Variants in IPO8 observed in about 807,000 individuals in gnomAD.
IPO8 encodes the protein importin-8.
A neutral mutation model predicts 141.2 loss-of-function variants in IPO8; 65 were observed. The ratio of observed to expected loss-of-function variants is 0.46; its 90% CI spans 0.38 to 0.57. The LOEUF (loss-of-function observed/expected upper bound fraction) is 0.57. Ranked by LOEUF, IPO8 falls within the 20% of genes least tolerant of loss-of-function variation. The pLI is 0.00. For missense variants in IPO8, 980 were observed against 1,246.8 expected, an observed-to-expected ratio of 0.79 and a Z score of 3.22; for synonymous variants, 411 against 420.3, an observed-to-expected ratio of 0.98 and a Z score of 0.27.
At chr12:30,647,106 G>A (rs3910561) in intron 20 of IPO8, among the ~76,000 whole-genome samples, 23 of 152,062 alleles carry the variant, frequency 1.5e-4, no homozygotes, top group Non-Finnish European at 2.9e-4. Flanking sequence ...ACTGGAATAA[G>A]AACAGATAAG....
In IPO8 at chr12:30,634,155, C is replaced by T; in HGVS notation, c.2827G>A (p.Glu943Lys). ...DEEVLEETALEGFSTPLDLDN... is the reference protein window; with the variant it reads ...DEEVLEETALKGFSTPLDLDN... ...AGGTCAAGTGGAGTACTGAACCCCT[C>T]AAGCGCGGTTTCTTCCAATACTTCT... Residue 943 changes from glutamate (E) to lysine (K), a missense_variant, in exon 23 of 25, where the codon GAG (glutamate) becomes AAG (lysine). This residue lies in a region of IPO8 where 924 missense variants were observed against 1,153.9 expected (regional missense o/e 0.80). Coordinates refer to ENST00000256079, the MANE Select transcript of IPO8 (RefSeq NM_006390.4). 1.9e-6 allele frequency: 3 copies of T among 1,614,054 alleles called. No individual in the cohort carries two copies. The highest frequency in any genetic ancestry group is 2.5e-6 in the Non-Finnish European group (3 of 1,179,958).
chr12:30,680,486 A>G lies in IPO8; in HGVS notation c.635T>C (p.Val212Ala). The G allele has an allele frequency of 3.7e-6, 6 of 1,608,754 alleles. No homozygotes were observed. The highest frequency in any genetic ancestry group is 5.1e-6 in the Non-Finnish European group (6 of 1,177,346). Residue 212 changes from valine to alanine, a missense_variant, in exon 5 of 25, where the codon GTT becomes GCT. Val to Ala is a moderately conservative substitution (Grantham distance 64, BLOSUM62 0). This residue lies in a region of IPO8 where 924 missense variants were observed against 1,153.9 expected (regional missense o/e 0.80). Coordinates refer to ENST00000256079, the MANE Select transcript of IPO8 (RefSeq NM_006390.4). Reference protein sequence around the residue: ...KQILKIFYALVQYALPLQLVN... With the variant: ...KQILKIFYALAQYALPLQLVN... ...TTTTCTGCAATAGAAACCTACCTGA[A>G]CAAGTGCATAAAAGATTTTCAGAAT...
At chr12:30,645,613 CT>C (rs1396039778) in intron 20 of IPO8, among the ~76,000 whole-genome samples, 1 of 151,852 alleles carries the variant, frequency 6.6e-6, no homozygotes, top group Non-Finnish European at 1.5e-5. Context: ...AATTGATAAA[CT>C]TTTAGTCAAC....
At chr12:30,646,607 C>G (rs560485339) in intron 20 of IPO8, among the ~76,000 whole-genome samples, 5 of 152,158 alleles carry the variant, frequency 3.3e-5, no homozygotes, top group African/African-American at 1.2e-4. Context: ...CACTAAACCA[C>G]CATTAAAACT....
rs892437029 is a variant in IPO8 at position 30,629,594 on chromosome 12, T to C, written c.*1266A>G. The C allele has an allele frequency of 6.6e-6, 1 of 152,248 alleles. No individual in the cohort carries two copies. The highest frequency in any genetic ancestry group is 1.9e-4 in the East Asian group (1 of 5,204). 9.4% of individuals were successfully genotyped at this position (152,248 alleles called of 1,614,324 possible). On this transcript the variant is annotated 3_prime_UTR_variant, in exon 25 of 25. Coordinates refer to ENST00000256079, the MANE Select transcript of IPO8 (RefSeq NM_006390.4). Reference sequence around the variant, plus strand: ...AAAATCTGTATCACATCCAGTAATATGTTAAGTTCTGAAGATACGTTTTCA... The same window carrying C: ...AAAATCTGTATCACATCCAGTAATACGTTAAGTTCTGAAGATACGTTTTCA...
intron 6 of IPO8, 61 bp from the exon 7 acceptor site, chr12:30,674,814 C>A (rs1181910774): frequency 3.7e-6 from 4 of 1,069,982 alleles, no homozygotes; most frequent in Non-Finnish European, 5.8e-6. Flanking sequence ...ATGTGAATAA[C>A]AAAGGCAAGA....
In IPO8 at chr12:30,665,201, A is replaced by G. The variant is rs202019392; in HGVS notation, c.1428+19T>C. The G allele has an allele frequency of 6.0e-5, 77 of 1,293,886 alleles. No individual in the cohort carries two copies. In the African/African-American group the frequency reaches 1.0e-3, roughly 18 times the overall value. The allele number at this position is 1,293,886 out of a possible 1,614,324, so 80.2% of individuals were successfully genotyped here. A position where few individuals can be genotyped will look rare whatever the true frequency, so the allele number is the denominator to read the frequency against. ...CTTATGAAGATTTAAGATACATAAC[A>G]GAAATATGAAAAACTTACTCTAGCT... On this transcript the variant is annotated intron_variant, in intron 13 of 24. Transcript: ENST00000256079.
chr12:30,686,719 T>C (rs1436442376), intron 2 of IPO8: 1 of 152,132 alleles, frequency 6.6e-6, no homozygotes, highest in Non-Finnish European at 1.5e-5. Flanking sequence ...CCTATAGAAC[T>C]AGTCTTGAAA....
intron 20 of IPO8, among the ~76,000 whole-genome samples, chr12:30,643,259 G>C (rs2052598182): frequency 6.6e-6 from 1 of 152,114 alleles, no homozygotes; most frequent in Non-Finnish European, 1.5e-5. Context: ...CATGAGCCAA[G>C]ATCATGCCAT....
rs1380142740 is a variant in IPO8, at chr12:30,674,769, T to C, written c.730-16A>G. Reference sequence around the variant, plus strand: ...GCAGAGTCTCCTAACAGGACAAAATTACCCAGATTAAAGTTCTGCATAATA... The same window carrying C: ...GCAGAGTCTCCTAACAGGACAAAATCACCCAGATTAAAGTTCTGCATAATA... On this transcript the variant is annotated splice_polypyrimidine_tract_variant and intron_variant, in intron 6 of 24. Coordinates refer to ENST00000256079, the MANE Select transcript of IPO8 (RefSeq NM_006390.4). 6.5e-7 allele frequency: 1 copy of C among 1,526,922 alleles called. No individual in the cohort carries two copies. The highest frequency in any genetic ancestry group is 1.7e-5 in the Admixed American group (1 of 59,906). The allele number at this position is 1,526,922 out of a possible 1,614,324, so 94.6% of individuals were successfully genotyped here.
intron 20 of IPO8, among the ~76,000 whole-genome samples, chr12:30,645,250 G>A (rs1468383597): frequency 6.6e-6 from 1 of 151,936 alleles, no homozygotes; most frequent in East Asian, 2.0e-4. Context: ...GCGCACGCCT[G>A]TAATACCAGC....
chr12:30,641,292 G>A (rs770517648), intron 20 of IPO8, among the ~76,000 whole-genome samples: 1 of 152,110 alleles, frequency 6.6e-6, no homozygotes, highest in African/African-American at 2.4e-5. Flanking sequence ...AAGAAGGCAA[G>A]GAGAGAATAT....
chr12:30,630,836 T>G lies in IPO8; in HGVS notation c.*24A>C. Reference sequence around the variant, plus strand: ...TGTGAAATAAAATGCAGCGATGACATTTGGTCAGCTGATGTTCTTTCCTTC... The same window carrying G: ...TGTGAAATAAAATGCAGCGATGACAGTTGGTCAGCTGATGTTCTTTCCTTC... On this transcript the variant is annotated 3_prime_UTR_variant, in exon 25 of 25. Transcript: ENST00000256079. The G allele has an allele frequency of 2.6e-6, 4 of 1,557,996 alleles. No individual in the cohort carries two copies. The highest frequency in any genetic ancestry group is 2.7e-6 in the Non-Finnish European group (3 of 1,130,498).
chr12:30,653,910 GATGA>G (rs1440671788), intron 17 of IPO8, among the ~76,000 whole-genome samples: 1 of 151,852 alleles, frequency 6.6e-6, no homozygotes, highest in African/African-American at 2.4e-5. Flanking sequence ...TACAAATATT[GATGA>G]ATAATTTATG....
intron 2 of IPO8, among the ~76,000 whole-genome samples, chr12:30,684,968 A>G (rs970987882): frequency 3.3e-5 from 5 of 152,190 alleles, no homozygotes; most frequent in Non-Finnish European, 5.9e-5. Context: ...TCAGCCATCA[A>G]AAATTTTTGG....
At position 30,684,374 on chromosome 12, in the gene IPO8, T is replaced by C. The variant is rs753067803; in HGVS notation, c.250A>G (p.Ile84Val). Reference protein sequence around the residue: ...PPGEAIFPFNIHENDRQQIRD... With the variant: ...PPGEAIFPFNVHENDRQQIRD... ...ATTTGCTGGCGATCGTTTTCGTGAA[T>C]GTTGAATGGAAATATTGCTTCTCCT... is the stretch of plus-strand genomic sequence containing the variant. The change falls in exon 3 of 25, where the codon ATT (isoleucine) becomes GTT (valine). Residue 84 changes from isoleucine to valine, a missense_variant. Physicochemically the swap from Ile to Val is conservative, Grantham distance 29 (BLOSUM62 3). Transcript: ENST00000256079. 8 of 1,614,066 alleles carry C rather than the reference T, an allele frequency of 5.0e-6. No individual in the cohort carries two copies. Among genetic ancestry groups the C allele is most frequent in the Non-Finnish European group, 5.1e-6 (6 of 1,180,020 alleles).
chr12:30,630,932 C>T lies in IPO8; in HGVS notation c.3042G>A (p.Gln1014=). 1 of 1,613,436 alleles carries T rather than the reference C, an allele frequency of 6.2e-7. No homozygotes were observed. Among genetic ancestry groups the T allele is most frequent in the South Asian group, 1.1e-5 (1 of 91,040 alleles). The change falls in exon 25 of 25, where the codon CAG becomes CAA. Residue 1014 remains glutamine (Q), a synonymous_variant. Transcript: ENST00000256079. The part of the protein sequence containing the change: ...VAEAKKKIEQ[Q]GGFTFENKGV... The stretch of plus-strand genomic sequence containing the variant: ...CTTTGTTTTCAAAGGTGAAGCCTCC[C>T]TGTTGTTCAATCTTCTTCTTTGCCT...
intron 8 of IPO8, 58 bp from the exon 9 acceptor site, chr12:30,671,154 G>C: frequency 8.3e-7 from 1 of 1,199,468 alleles, no homozygotes; most frequent in South Asian, 1.4e-5. Context: ...AAAAGGGGGA[G>C]GTGCCATTTT....
intron 1 of IPO8, among the ~76,000 whole-genome samples, chr12:30,693,446 G>A (rs2053309670): frequency 6.6e-6 from 1 of 152,148 alleles, no homozygotes; most frequent in South Asian, 2.1e-4. Context: ...TTTCTAAACG[G>A]CAATTGACAG....
Sources: gnomAD v4.1 joint callset for allele counts (sites outside exome capture counted in the v4.1 genomes callset) on GRCh38, gnomAD v4.1.1 for gene constraint, gnomAD v4.1.1 regional missense constraint, MANE v1.5 for transcripts, NCBI Gene and HGNC (gene_info 2026-07-23, HGNC 2026-07-21) for gene names.